The following ASIC2 variants were observed in gnomAD, a reference collection of about 807,000 sequenced individuals.
ASIC2 encodes the protein acid sensing ion channel subunit 2.
ASIC2 carries 25 observed loss-of-function variants against 57.3 expected under a neutral mutation model. That is an observed-to-expected ratio of 0.44 (90% CI 0.32 to 0.61). ASIC2 has a LOEUF of 0.61. Ranked by LOEUF, ASIC2 falls within the 20% of genes least tolerant of loss-of-function variation. The pLI is 0.06. For missense variants in ASIC2, 641 were observed against 738.1 expected (o/e 0.87, Z 1.52); for synonymous variants, 319 against 307.5 (o/e 1.04, Z -0.39).
At chr17:33,803,638 CA>C (rs1350896236) in intron 1 of ASIC2, among the ~76,000 whole-genome samples, 2 of 131,724 alleles carry the variant, frequency 1.5e-5, no homozygotes, top group Admixed American at 1.7e-4. Context: ...TCATGTTTAT[CA>C]CAAGAACGGG....
At chr17:33,997,230 C>A (rs1318682996) in intron 1 of ASIC2, among the ~76,000 whole-genome samples, 1 of 151,658 alleles carries the variant, frequency 6.6e-6, no homozygotes, top group African/African-American at 2.4e-5. Context: ...CAGTCTTGAC[C>A]TCCTGGGCTC....
intron 1 of ASIC2, among the ~76,000 whole-genome samples, chr17:33,254,777 G>C (rs897630805): frequency 2.6e-5 from 4 of 152,058 alleles, no homozygotes; most frequent in Non-Finnish European, 4.4e-5. Flanking sequence ...CATTGTAATA[G>C]TAAGTCAAGA....
At chr17:34,143,017 C>T (rs772886347) in intron 1 of ASIC2, 3 of 152,164 alleles carry the variant, frequency 2.0e-5, no homozygotes, top group Non-Finnish European at 4.4e-5. Flanking sequence ...CTGCACGTTC[C>T]CAAGCACAGA....
chr17:33,100,449 G>A (rs532533297), intron 2 of ASIC2: 2 of 152,224 alleles, frequency 1.3e-5, no homozygotes, highest in African/African-American at 4.8e-5. Context: ...TAAAACCAAA[G>A]GTCAACTTCT....
chr17:33,543,832 C>T (rs1020388264), intron 1 of ASIC2, among the ~76,000 whole-genome samples: 4 of 152,296 alleles, frequency 2.6e-5, no homozygotes, highest in Middle Eastern at 3.4e-3. Context: ...GGATTTGAAC[C>T]CCAGTCTGTT....
chr17:33,262,301 T>C (rs777109077), intron 1 of ASIC2, among the ~76,000 whole-genome samples: 21 of 140,630 alleles, frequency 1.5e-4, no homozygotes, highest in Non-Finnish European at 2.4e-4. Flanking sequence ...GGAGAGAAAA[T>C]AGGGAAGGGA....
chr17:33,556,282 T>G (rs1915906588), intron 1 of ASIC2, among the ~76,000 whole-genome samples: 1 of 152,168 alleles, frequency 6.6e-6, no homozygotes, highest in African/African-American at 2.4e-5. Flanking sequence ...CACAATGAAC[T>G]GAGTAACTGG....
At chr17:33,915,068 C>G (rs1915555901) in intron 1 of ASIC2, among the ~76,000 whole-genome samples, 1 of 152,154 alleles carries the variant, frequency 6.6e-6, no homozygotes, top group Admixed American at 6.5e-5. Context: ...AGTGCTCTGC[C>G]CTCACCTCGG....
chr17:33,139,641 G>A (rs1433994642), intron 1 of ASIC2, among the ~76,000 whole-genome samples: 1 of 152,154 alleles, frequency 6.6e-6, no homozygotes, highest in Non-Finnish European at 1.5e-5. Context: ...TGCTGCCAAA[G>A]TCCCCTTCAT....
At chr17:33,788,229 A>G (rs1438843197) in intron 1 of ASIC2, among the ~76,000 whole-genome samples, 1 of 152,132 alleles carries the variant, frequency 6.6e-6, no homozygotes, top group Non-Finnish European at 1.5e-5. Context: ...AAAAAACCCC[A>G]TTAAAAGTGG....
intron 1 of ASIC2, among the ~76,000 whole-genome samples, chr17:33,763,402 T>A (rs1910844148): frequency 6.6e-6 from 1 of 152,216 alleles, no homozygotes; most frequent in Non-Finnish European, 1.5e-5. Context: ...AGCCCTGACC[T>A]TCAGGTCTTT....
chr17:33,951,820 C>A (rs1904584054), intron 1 of ASIC2, among the ~76,000 whole-genome samples: 1 of 151,248 alleles, frequency 6.6e-6, no homozygotes, highest in Admixed American at 6.6e-5. Context: ...TCTTGAACTC[C>A]TGACCTTAAG....
chr17:33,221,540 T>C (rs572327908), intron 1 of ASIC2, among the ~76,000 whole-genome samples: 1 of 152,312 alleles, frequency 6.6e-6, no homozygotes, highest in African/African-American at 2.4e-5. Context: ...TAAATTCTGC[T>C]CCTACCTGGC....
chr17:33,890,390 T>TTTGACAG (rs1382350452), intron 1 of ASIC2, among the ~76,000 whole-genome samples: 2 of 152,212 alleles, frequency 1.3e-5, no homozygotes, highest in East Asian at 3.9e-4. Context: ...TTGCATGTCT[T>TTTGACAG]CTATTGCAGC....
chr17:33,808,834 C>G (rs1833483402), intron 1 of ASIC2, among the ~76,000 whole-genome samples: 1 of 152,180 alleles, frequency 6.6e-6, no homozygotes, highest in South Asian at 2.1e-4. Flanking sequence ...AGTATTAGGG[C>G]CACTTTCCCT....
chr17:33,243,628 A>T (rs1200913086), intron 1 of ASIC2, among the ~76,000 whole-genome samples: 1 of 152,226 alleles, frequency 6.6e-6, no homozygotes, highest in African/African-American at 2.4e-5. Context: ...GAGGGAATTC[A>T]ACATACAGGA....
At chr17:33,947,181 A>G (rs1026444954) in intron 1 of ASIC2, among the ~76,000 whole-genome samples, 5 of 152,188 alleles carry the variant, frequency 3.3e-5, no homozygotes, top group South Asian at 2.1e-4. Flanking sequence ...AAGTAAAATC[A>G]AAGGAAAACT....
At chr17:33,137,318 T>C (rs543250180) in intron 1 of ASIC2, among the ~76,000 whole-genome samples, 1 of 152,348 alleles carries the variant, frequency 6.6e-6, no homozygotes, top group East Asian at 1.9e-4. Flanking sequence ...ATTATGCCAA[T>C]GTGCATTGTG....
intron 1 of ASIC2, among the ~76,000 whole-genome samples, chr17:33,768,599 A>C (rs1175910096): frequency 2.6e-5 from 4 of 152,214 alleles, no homozygotes; most frequent in Admixed American, 2.6e-4. Context: ...CTAGGCAGAC[A>C]GGGGCAGGTC....
Sources: gnomAD v4.1 joint callset for allele counts (sites outside exome capture counted in the v4.1 genomes callset) on GRCh38, gnomAD v4.1.1 for gene constraint, MANE v1.5 for transcripts, NCBI Gene and HGNC (gene_info 2026-07-23, HGNC 2026-07-21) for gene names.